CSMD1: variants seen among roughly 807,000 people sequenced by gnomAD.
CSMD1 encodes CUB and sushi domain-containing protein 1.
Under a neutral mutation model 417.5 loss-of-function variants are expected in CSMD1, and 213 were observed. The observed-to-expected ratio is 0.51, with a 90% CI of 0.46 to 0.57. The LOEUF (loss-of-function observed/expected upper bound fraction) is 0.57, where lower values mean the gene tolerates loss of function less well. Ranked by LOEUF, CSMD1 falls within the 20% of genes least tolerant of loss-of-function variation. The pLI, the probability that CSMD1 is intolerant of heterozygous loss-of-function variation, is 0.00. For missense variants in CSMD1, 6,923 were observed against 4,529.7 expected, an observed-to-expected ratio of 1.53 and a Z score of -15.17; for synonymous variants, 2,862 against 1,736.8, an observed-to-expected ratio of 1.65 and a Z score of -16.11.
At chr8:3,227,927 C>T (rs1466875489) in intron 27 of CSMD1, among the ~76,000 whole-genome samples, 1 of 151,990 alleles carries the variant, frequency 6.6e-6, no homozygotes, top group Non-Finnish European at 1.5e-5. Flanking sequence ...ACCACCACCC[C>T]TGGCCAATGT....
At chr8:2,973,591 C>T (rs1804650615) in intron 56 of CSMD1, among the ~76,000 whole-genome samples, 1 of 150,750 alleles carries the variant, frequency 6.6e-6, no homozygotes, top group South Asian at 2.1e-4. Flanking sequence ...ATGGTAAATG[C>T]ATCACGTCTT....
At chr8:3,243,797 A>G (rs1292461550) in intron 26 of CSMD1, among the ~76,000 whole-genome samples, 2 of 150,690 alleles carry the variant, frequency 1.3e-5, no homozygotes, top group African/African-American at 4.9e-5. Flanking sequence ...TGTCATTTAT[A>G]TATAATTATA....
intron 3 of CSMD1, among the ~76,000 whole-genome samples, chr8:4,051,595 A>T (rs188987179): frequency 6.6e-6 from 1 of 152,182 alleles, no homozygotes; most frequent in African/African-American, 2.4e-5. Flanking sequence ...CAGAAGTGCT[A>T]AGTGCACAGC....
chr8:3,387,551 C>A lies in CSMD1; in HGVS notation c.2725G>T (p.Glu909Ter). ...CDPGYTLSDD[E>*]PLVCERNHQW... is the part of the protein sequence containing the mutation. ...TGGTTCCTCTCACAGACGAGGGGCTCGTCGTCACTTAGTGTGTACCCCGGG... is the reference window on the plus strand; with the variant it reads ...TGGTTCCTCTCACAGACGAGGGGCTAGTCGTCACTTAGTGTGTACCCCGGG... The change falls in exon 18 of 70, where the codon GAG becomes TAG. Residue 909 changes from glutamate (E) to a stop codon, truncating the protein, a stop_gained. Coordinates refer to ENST00000635120, the MANE Select transcript of CSMD1 (RefSeq NM_033225.6). LOFTEE classifies it high-confidence loss of function. 1 of 1,601,732 alleles carries A rather than the reference C, an allele frequency of 6.2e-7. No homozygotes were observed.
chr8:3,298,174 A>G (rs1804113741), intron 25 of CSMD1, among the ~76,000 whole-genome samples: 1 of 152,162 alleles, frequency 6.6e-6, no homozygotes, highest in Admixed American at 6.6e-5. Context: ...TGGAAAACTG[A>G]TAGCACCTAA....
chr8:3,721,531 G>A (rs1403264307), intron 6 of CSMD1, among the ~76,000 whole-genome samples: 1 of 152,192 alleles, frequency 6.6e-6, no homozygotes, highest in East Asian at 1.9e-4. Flanking sequence ...GGCACAAAGA[G>A]AAACATATTC....
chr8:4,987,762 G>T (rs1042792933), intron 1 of CSMD1, among the ~76,000 whole-genome samples: 2 of 152,172 alleles, frequency 1.3e-5, no homozygotes, highest in Non-Finnish European at 2.9e-5. Flanking sequence ...GTGGGCACCA[G>T]CTCATCAACT....
chr8:4,756,744 T>C (rs939463252), intron 1 of CSMD1, among the ~76,000 whole-genome samples: 3 of 152,152 alleles, frequency 2.0e-5, no homozygotes, highest in Non-Finnish European at 4.4e-5. Flanking sequence ...ACAGGTAAAA[T>C]AAATGTAGCA....
intron 10 of CSMD1, among the ~76,000 whole-genome samples, chr8:3,538,943 C>G (rs1276141836): frequency 6.6e-6 from 1 of 152,184 alleles, no homozygotes; most frequent in Non-Finnish European, 1.5e-5. Flanking sequence ...GTTTGTGAGA[C>G]CCCAATGTCA....
At chr8:4,352,304 G>C (rs1029802704) in intron 3 of CSMD1, among the ~76,000 whole-genome samples, 2 of 152,108 alleles carry the variant, frequency 1.3e-5, no homozygotes, top group Non-Finnish European at 2.9e-5. Context: ...TTAGAAAATA[G>C]AACTATCTAT....
chr8:3,430,136 T>TACAA (rs1342853369), intron 12 of CSMD1, among the ~76,000 whole-genome samples: 14 of 152,164 alleles, frequency 9.2e-5, no homozygotes, highest in Non-Finnish European at 2.9e-5. Flanking sequence ...TACATATACA[T>TACAA]ACAAACATAT....
At chr8:3,500,042 G>A (rs1169374012) in intron 10 of CSMD1, among the ~76,000 whole-genome samples, 1 of 152,100 alleles carries the variant, frequency 6.6e-6, no homozygotes, top group Non-Finnish European at 1.5e-5. Context: ...TCTGGGGTGG[G>A]AGTGTGACCT....
intron 3 of CSMD1, among the ~76,000 whole-genome samples, chr8:4,080,547 T>G (rs891596000): frequency 5.3e-5 from 8 of 152,232 alleles, no homozygotes; most frequent in African/African-American, 1.7e-4. Flanking sequence ...ACACATAGGT[T>G]TCTCCAGAAG....
intron 26 of CSMD1, among the ~76,000 whole-genome samples, chr8:3,255,867 C>T (rs929828142): frequency 3.3e-5 from 5 of 152,148 alleles, no homozygotes; most frequent in Admixed American, 6.5e-5. Flanking sequence ...GTGCTGCACC[C>T]ACTGTCCTGC....
At chr8:3,161,237 T>A (rs1229694848) in intron 38 of CSMD1, among the ~76,000 whole-genome samples, 1 of 152,178 alleles carries the variant, frequency 6.6e-6, no homozygotes, top group Admixed American at 6.5e-5. Flanking sequence ...ATGGTTAAAC[T>A]AGAAAATATT....
At chr8:4,133,629 G>T (rs1256637906) in intron 3 of CSMD1, among the ~76,000 whole-genome samples, 1 of 152,104 alleles carries the variant, frequency 6.6e-6, no homozygotes, top group East Asian at 1.9e-4. Flanking sequence ...TACTAGCAAT[G>T]CGAAGAGGAA....
chr8:3,613,370 C>T, intron 8 of CSMD1: 1 of 314,488 alleles, frequency 3.2e-6, no homozygotes, highest in Non-Finnish European at 6.3e-6. Flanking sequence ...ACAAACTCTT[C>T]TATGGTATTC....
chr8:4,652,010 T>C (rs1803927147), intron 1 of CSMD1, among the ~76,000 whole-genome samples: 1 of 152,220 alleles, frequency 6.6e-6, no homozygotes, highest in Admixed American at 6.5e-5. Flanking sequence ...TAGAAAAATG[T>C]CTAAGTCTCA....
At chr8:4,764,688 A>C (rs1005171931) in intron 1 of CSMD1, among the ~76,000 whole-genome samples, 31 of 151,154 alleles carry the variant, frequency 2.1e-4, no homozygotes, top group African/African-American at 7.5e-4. Context: ...ATTTGTTAAA[A>C]AAAAAAAAAC....
Sources: gnomAD v4.1 joint callset for allele counts (sites outside exome capture counted in the v4.1 genomes callset) on GRCh38, gnomAD v4.1.1 for gene constraint, MANE v1.5 for transcripts, NCBI Gene and HGNC (gene_info 2026-07-23, HGNC 2026-07-21) for gene names.